PARD3B: variants seen among roughly 807,000 people sequenced by gnomAD.
PARD3B encodes the protein partitioning defective 3 homolog B.
In PARD3B, 103 loss-of-function variants were observed where a neutral mutation model predicts 130.2. The ratio of observed to expected loss-of-function variants is 0.79; its 90% CI spans 0.67 to 0.93. The LOEUF is 0.93. PARD3B is among the 40% of genes least tolerant of loss of function. The pLI is 0.00. For synonymous variants in PARD3B, 583 were observed against 553.2 expected, an observed-to-expected ratio of 1.05 and a Z score of -0.76; for missense variants, 1,609 against 1,499.2, an observed-to-expected ratio of 1.07 and a Z score of -1.21.
intron 22 of PARD3B, among the ~76,000 whole-genome samples, chr2:205,580,815 C>G (rs377115572): frequency 2.6e-5 from 4 of 152,040 alleles, no homozygotes; most frequent in African/African-American, 9.7e-5. Context: ...GCACGAGACA[C>G]TAAAATGCCT....
chr2:205,163,203 C>A (rs77343795), intron 11 of PARD3B, among the ~76,000 whole-genome samples: 2 of 152,014 alleles, frequency 1.3e-5, no homozygotes, highest in African/African-American at 2.4e-5. Flanking sequence ...AAACTTTGAC[C>A]TAGTAAGGTA....
At chr2:205,531,126 C>G (rs193257033) in intron 21 of PARD3B, among the ~76,000 whole-genome samples, 1 of 152,092 alleles carries the variant, frequency 6.6e-6, no homozygotes, top group African/African-American at 2.4e-5. Context: ...CTTCTTCCAA[C>G]GTATGGAAGG....
At chr2:205,243,805 A>G (rs530439565) in intron 15 of PARD3B, among the ~76,000 whole-genome samples, 1 of 152,334 alleles carries the variant, frequency 6.6e-6, no homozygotes, top group African/African-American at 2.4e-5. Context: ...ATATAAGGAT[A>G]GTAATAATAA....
chr2:205,231,502 T>C (rs2038835228), intron 15 of PARD3B, among the ~76,000 whole-genome samples: 1 of 94,340 alleles, frequency 1.1e-5, no homozygotes. Flanking sequence ...AATTTTTGTA[T>C]TTTTTTTTTT....
intron 1 of PARD3B, among the ~76,000 whole-genome samples, chr2:204,570,831 T>C (rs1380972784): frequency 6.7e-6 from 1 of 150,204 alleles, no homozygotes; most frequent in African/African-American, 2.5e-5. Flanking sequence ...CTGAGGTGTA[T>C]AAGCTGTTGC....
rs1015060452 is a variant in PARD3B at position 205,421,114 on chromosome 2, A to G, written c.2742-19256A>G. On this transcript the variant is annotated intron_variant, in intron 19 of 22. Coordinates refer to ENST00000406610, the MANE Select transcript of PARD3B (RefSeq NM_001302769.2). The surrounding 1 kb of genome is among the most constrained non-coding windows in gnomAD (Gnocchi z 5.1). ...CCACTACACTCCAGCCTGGTAACAGAGCAAGACTCCATCTCAAAAAACAAA... is the reference window on the plus strand; with the variant it reads ...CCACTACACTCCAGCCTGGTAACAGGGCAAGACTCCATCTCAAAAAACAAA... Among the ~76,000 whole-genome samples, 1 of 152,142 alleles carries G rather than the reference A, an allele frequency of 6.6e-6. No individual in the cohort carries two copies. The highest frequency in any genetic ancestry group is 2.4e-5 in the African/African-American group (1 of 41,418).
At chr2:205,605,521 G>A (rs1024387486) in intron 22 of PARD3B, among the ~76,000 whole-genome samples, 1 of 152,120 alleles carries the variant, frequency 6.6e-6, no homozygotes, top group Admixed American at 6.6e-5. Flanking sequence ...CCCCTCTTCT[G>A]TAGGGGTCCT....
intron 5 of PARD3B, among the ~76,000 whole-genome samples, chr2:205,106,543 C>G (rs1160893365): frequency 6.8e-6 from 1 of 148,100 alleles, no homozygotes; most frequent in Non-Finnish European, 1.5e-5. Context: ...ATTTGATTAT[C>G]AAAACGGGCT....
At chr2:205,478,847 C>T (rs565049762) in intron 20 of PARD3B, among the ~76,000 whole-genome samples, 9 of 152,072 alleles carry the variant, frequency 5.9e-5, no homozygotes, top group Non-Finnish European at 1.2e-4. Context: ...TATGAAAAAG[C>T]ATGGAAAAGT....
chr2:204,739,236 G>A (rs10932084), intron 2 of PARD3B, among the ~76,000 whole-genome samples: 93,481 of 151,976 alleles, frequency 0.62, 31,952 homozygotes, highest in Non-Finnish European at 0.75. Flanking sequence ...CTCATTCATT[G>A]GAATGTGTGT....
At chr2:205,326,533 T>G (rs1468535609) in intron 18 of PARD3B, among the ~76,000 whole-genome samples, 6 of 151,938 alleles carry the variant, frequency 3.9e-5, no homozygotes, top group African/African-American at 1.5e-4. Context: ...AACGAAGGAG[T>G]TATTCAACAG....
At chr2:205,346,609 G>T (rs142107784) in intron 18 of PARD3B, among the ~76,000 whole-genome samples, 1 of 152,164 alleles carries the variant, frequency 6.6e-6, no homozygotes, top group Non-Finnish European at 1.5e-5. Flanking sequence ...GCTTTCGTTA[G>T]CTCTGTTATG....
At chr2:204,912,663 G>A (rs2047285169) in intron 2 of PARD3B, among the ~76,000 whole-genome samples, 1 of 152,096 alleles carries the variant, frequency 6.6e-6, no homozygotes, top group East Asian at 1.9e-4. Context: ...TCGATATTGA[G>A]TATTGGAAAG....
At chr2:204,739,891 G>A (rs960071430) in intron 2 of PARD3B, among the ~76,000 whole-genome samples, 1 of 151,438 alleles carries the variant, frequency 6.6e-6, no homozygotes, top group Non-Finnish European at 1.5e-5. Flanking sequence ...GCTTTATTTT[G>A]TAATCATAAC....
chr2:205,481,460 G>A (rs139611527), intron 20 of PARD3B, among the ~76,000 whole-genome samples: 277 of 152,236 alleles, frequency 1.8e-3, no homozygotes, highest in African/African-American at 5.8e-3. Context: ...AGTCAGGAGC[G>A]GAGAGACTAG....
rs772846335 is a variant in PARD3B at position 204,546,055 on chromosome 2, G to A, written c.56G>A (p.Gly19Asp). ...RTGIVVPCKEGQLRVGELTQQ... is the reference protein window; with the variant it reads ...RTGIVVPCKEDQLRVGELTQQ... ...GGCATCGTGGTGCCCTGCAAGGAGGGCCAGCTGCGCGTCGGCGAGCTCACC... is the reference window on the plus strand; with the variant it reads ...GGCATCGTGGTGCCCTGCAAGGAGGACCAGCTGCGCGTCGGCGAGCTCACC... Residue 19 changes from glycine to aspartate, a missense_variant, in exon 1 of 23, where the codon GGC becomes GAC. Transcript: ENST00000406610. 8.3e-6 allele frequency: 13 copies of A among 1,564,726 alleles called. No homozygotes were observed. The Admixed American group carries it at 2.0e-4, about 24-fold the overall frequency.
chr2:205,614,463 G>A (rs2055347858), intron 22 of PARD3B, among the ~76,000 whole-genome samples: 1 of 152,050 alleles, frequency 6.6e-6, no homozygotes, highest in South Asian at 2.1e-4. Context: ...CAGTACTTTG[G>A]GATGCCGAGC....
chr2:205,441,755 G>T (rs1261627241), intron 20 of PARD3B, among the ~76,000 whole-genome samples: 2 of 152,174 alleles, frequency 1.3e-5, no homozygotes, highest in African/African-American at 4.8e-5. Context: ...ACTGTAAAGT[G>T]TAGCTTCAAA....
At chr2:205,254,863 A>G (rs1169610831) in intron 16 of PARD3B, among the ~76,000 whole-genome samples, 4 of 151,088 alleles carry the variant, frequency 2.6e-5, no homozygotes, top group Non-Finnish European at 4.4e-5. Flanking sequence ...ACGGGGTTTC[A>G]CCATGTTGGT....
Sources: gnomAD v4.1 joint callset for allele counts (sites outside exome capture counted in the v4.1 genomes callset) on GRCh38, gnomAD v4.1.1 for gene constraint, Gnocchi (gnomAD v3.1) non-coding constraint, MANE v1.5 for transcripts, NCBI Gene and HGNC (gene_info 2026-07-23, HGNC 2026-07-21) for gene names.